The following PRELID2 variants were observed in gnomAD, a reference collection of about 807,000 sequenced individuals.
The protein encoded by PRELID2 is PRELI domain-containing protein 2.
A neutral mutation model predicts 28.4 loss-of-function variants in PRELID2; 25 were observed. The ratio of observed to expected loss-of-function variants is 0.88; its 90% CI spans 0.64 to 1.23. PRELID2 has a LOEUF of 1.23. Among genes scored for constraint, PRELID2 ranks in the 50% most tolerant of loss-of-function variants. The probability of loss-of-function intolerance (pLI) is 0.00; values close to 1 mark genes in which losing one functional copy is unlikely to be tolerated. For missense variants in PRELID2, 201 were observed against 214.4 expected, an observed-to-expected ratio of 0.94 and a Z score of 0.39; for synonymous variants, 76 against 71.6, an observed-to-expected ratio of 1.06 and a Z score of -0.31.
the PRELID2 span, among the ~76,000 whole-genome samples, chr5:145,243,007 T>A: frequency 2.0e-4 from 31 of 152,182 alleles, no homozygotes; most frequent in Admixed American, 2.0e-3. Context: ...AAGAGAAGAG[T>A]GGCTAAGAGA....
chr5:145,238,858 A>G, the PRELID2 span, among the ~76,000 whole-genome samples: 1 of 152,110 alleles, frequency 6.6e-6, no homozygotes, highest in Non-Finnish European at 1.5e-5. Context: ...AAGTCACGTA[A>G]TTATCTGAAT....
At chr5:145,519,834 G>A (rs779853320) in intron 1 of PRELID2, among the ~76,000 whole-genome samples, 6 of 152,126 alleles carry the variant, frequency 3.9e-5, no homozygotes, top group Non-Finnish European at 5.9e-5. Flanking sequence ...TAAATAAAAC[G>A]GGAGGTGCTA....
chr5:145,424,553 C>T, the PRELID2 span, among the ~76,000 whole-genome samples: 1 of 152,214 alleles, frequency 6.6e-6, no homozygotes, highest in African/African-American at 2.4e-5. Flanking sequence ...TCCCTGACCC[C>T]TTGCGCTTCC....
chr5:145,251,553 C>T, the PRELID2 span, among the ~76,000 whole-genome samples: 2 of 152,106 alleles, frequency 1.3e-5, no homozygotes. Context: ...ATCATCCCAA[C>T]CACCTCAGCT....
chr5:145,576,673 T>C (rs900417974), intron 1 of PRELID2, among the ~76,000 whole-genome samples: 4 of 94,986 alleles, frequency 4.2e-5, no homozygotes, highest in Non-Finnish European at 6.5e-5. Context: ...TATAGCACAA[T>C]AGTAAAAAAA....
chr5:145,373,092 T>TAC, the PRELID2 span, among the ~76,000 whole-genome samples: 4 of 70,722 alleles, frequency 5.7e-5, no homozygotes, highest in African/African-American at 1.3e-4. Flanking sequence ...ATATATAATA[T>TAC]ATATGATATA....
chr5:145,614,502 A>T (rs11960822), intron 1 of PRELID2, among the ~76,000 whole-genome samples: 26,735 of 152,062 alleles, frequency 0.18, 3,943 homozygotes, highest in African/African-American at 0.39. Flanking sequence ...CTTTCAGCAG[A>T]GCTTTATAGT....
chr5:145,674,281 G>A (rs1754769769), intron 1 of PRELID2, among the ~76,000 whole-genome samples: 1 of 151,970 alleles, frequency 6.6e-6, no homozygotes, highest in African/African-American at 2.4e-5. Context: ...ATTTACATCA[G>A]GTATATCTCC....
chr5:145,522,394 G>GAC (rs201678494), intron 1 of PRELID2, among the ~76,000 whole-genome samples: 14,460 of 150,698 alleles, frequency 0.096, 741 homozygotes, highest in Non-Finnish European at 0.12. Context: ...TATAGATACA[G>GAC]AGACACACAC....
the PRELID2 span, among the ~76,000 whole-genome samples, chr5:145,286,453 C>T: frequency 6.6e-6 from 1 of 152,160 alleles, no homozygotes; most frequent in Non-Finnish European, 1.5e-5. Context: ...GCTATTATCA[C>T]CCCCAATTTA....
At chr5:145,332,075 A>G in the PRELID2 span, among the ~76,000 whole-genome samples, 1 of 151,754 alleles carries the variant, frequency 6.6e-6, no homozygotes, top group Admixed American at 6.6e-5. Flanking sequence ...AATTCTTTGA[A>G]GAATGTTGAA....
the PRELID2 span, among the ~76,000 whole-genome samples, chr5:145,340,171 C>G: frequency 6.6e-6 from 1 of 152,256 alleles, no homozygotes; most frequent in East Asian, 1.9e-4. Flanking sequence ...AACCCATGAG[C>G]CTAAAAATTA....
intron 1 of PRELID2, among the ~76,000 whole-genome samples, chr5:145,707,854 G>T (rs1350013614): frequency 6.6e-6 from 1 of 152,052 alleles, no homozygotes; most frequent in Non-Finnish European, 1.5e-5. Flanking sequence ...GCATGCAAAA[G>T]GCTGCCACAG....
the PRELID2 span, among the ~76,000 whole-genome samples, chr5:145,325,567 C>T: frequency 6.6e-6 from 1 of 152,090 alleles, no homozygotes; most frequent in Non-Finnish European, 1.5e-5. Flanking sequence ...TAAAATAACC[C>T]TGTGGAAAAA....
chr5:145,809,495 C>T (rs1753787787), intron 4 of PRELID2, among the ~76,000 whole-genome samples: 1 of 152,198 alleles, frequency 6.6e-6, no homozygotes, highest in Non-Finnish European at 1.5e-5. Context: ...TGGCCATGGG[C>T]CTATGCAGGG....
chr5:145,265,206 T>C, the PRELID2 span, among the ~76,000 whole-genome samples: 3 of 151,698 alleles, frequency 2.0e-5, no homozygotes, highest in African/African-American at 4.8e-5. Flanking sequence ...CCTTTTACCA[T>C]AGCTGCAAAA....
intron 4 of PRELID2, among the ~76,000 whole-genome samples, chr5:145,813,936 T>C (rs988704002): frequency 1.3e-5 from 2 of 152,200 alleles, no homozygotes; most frequent in Admixed American, 6.5e-5. Context: ...TATGTAATCA[T>C]AGAGACTTTC....
chr5:145,614,179 T>C (rs1401415185), intron 1 of PRELID2, among the ~76,000 whole-genome samples: 1 of 152,238 alleles, frequency 6.6e-6, no homozygotes, highest in South Asian at 2.1e-4. Context: ...CTGGTCTTTG[T>C]GCCTGTTTTT....
the PRELID2 span, among the ~76,000 whole-genome samples, chr5:145,348,913 G>A: frequency 3.3e-5 from 5 of 151,988 alleles, no homozygotes; most frequent in African/African-American, 9.7e-5. Flanking sequence ...TGGCTTTTTG[G>A]GTGACTATAT....
Sources: gnomAD v4.1 joint callset for allele counts (sites outside exome capture counted in the v4.1 genomes callset) on GRCh38, gnomAD v4.1.1 for gene constraint, MANE v1.5 for transcripts, NCBI Gene and HGNC (gene_info 2026-07-23, HGNC 2026-07-21) for gene names.